The following NKAIN3 variants were observed in gnomAD, a reference collection of about 807,000 sequenced individuals.
The protein encoded by NKAIN3 is sodium/potassium transporting ATPase interacting 3.
A neutral mutation model predicts 30.2 loss-of-function variants in NKAIN3; 25 were observed. The observed-to-expected ratio is 0.83, with a 90% CI of 0.60 to 1.16. The LOEUF is 1.16. Among genes scored for constraint, NKAIN3 ranks in the 50% most tolerant of loss-of-function variants. NKAIN3 has a pLI of 0.00. For missense variants in NKAIN3, 225 were observed against 254.1 expected, an observed-to-expected ratio of 0.89 and a Z score of 0.78; for synonymous variants, 91 against 89.6, an observed-to-expected ratio of 1.02 and a Z score of -0.09.
intron 1 of NKAIN3, among the ~76,000 whole-genome samples, chr8:62,468,399 G>A (rs1174176506): frequency 1.3e-5 from 2 of 152,144 alleles, no homozygotes; most frequent in Admixed American, 6.5e-5. Flanking sequence ...TGCCAAACCA[G>A]TTTTGTTGGA....
At chr8:62,444,395 C>T (rs1291355934) in intron 1 of NKAIN3, among the ~76,000 whole-genome samples, 1 of 152,088 alleles carries the variant, frequency 6.6e-6, no homozygotes, top group Non-Finnish European at 1.5e-5. Context: ...CTTTATCCCT[C>T]CTCCCCACCT....
rs1228826833 is a variant in NKAIN3, at chr8:62,966,630, C to A, written c.*1223C>A. 6.6e-6 allele frequency among the ~76,000 whole-genome samples: 1 copy of A among 152,206 alleles called. No homozygotes were observed. The highest frequency in any genetic ancestry group is 2.4e-5 in the African/African-American group (1 of 41,462). ...AGACAACCACTGTGCTAATTTTCAT[C>A]ATCACTGATAATTTGGTCTGTTCTC... On this transcript the variant is annotated 3_prime_UTR_variant, in exon 7 of 7. Transcript: ENST00000623646.
chr8:62,880,206 C>G (rs1820931364), intron 4 of NKAIN3, among the ~76,000 whole-genome samples: 2 of 152,122 alleles, frequency 1.3e-5, no homozygotes, highest in South Asian at 4.1e-4. Flanking sequence ...GAGGGAAAAA[C>G]TTGGCCAAGG....
At chr8:62,502,466 A>G (rs1266243638) in intron 1 of NKAIN3, among the ~76,000 whole-genome samples, 1 of 152,102 alleles carries the variant, frequency 6.6e-6, no homozygotes, top group African/African-American at 2.4e-5. Flanking sequence ...TTCCAGAGTT[A>G]ACCATTCATT....
intron 4 of NKAIN3, chr8:62,856,142 C>A: frequency 1.4e-6 from 1 of 725,088 alleles, no homozygotes. Flanking sequence ...TCTGAGACTC[C>A]CATAGATCTC....
At chr8:62,948,477 C>T (rs1025459898) in intron 5 of NKAIN3, among the ~76,000 whole-genome samples, 1 of 152,016 alleles carries the variant, frequency 6.6e-6, no homozygotes, top group African/African-American at 2.4e-5. Context: ...GGATTACAGG[C>T]GTGAGCCACC....
chr8:62,848,360 A>G (rs1279014143), intron 4 of NKAIN3, among the ~76,000 whole-genome samples: 5 of 151,986 alleles, frequency 3.3e-5, no homozygotes, highest in African/African-American at 9.7e-5. Flanking sequence ...AATGGTTTGT[A>G]GTTCTTCTTA....
At chr8:62,458,457 T>C (rs2218911) in intron 1 of NKAIN3, among the ~76,000 whole-genome samples, 147,632 of 152,282 alleles carry the variant, frequency 0.97, 71,619 homozygotes, top group East Asian at 1. Flanking sequence ...AGGTGATAGA[T>C]CCAACCCTAT....
At chr8:62,816,630 G>T (rs1212504844) in intron 4 of NKAIN3, among the ~76,000 whole-genome samples, 1 of 152,144 alleles carries the variant, frequency 6.6e-6, no homozygotes, top group Non-Finnish European at 1.5e-5. Context: ...CGATCAGGGT[G>T]TAGAGTGCTA....
chr8:62,740,565 G>A (rs1815831710), intron 3 of NKAIN3, among the ~76,000 whole-genome samples: 1 of 151,756 alleles, frequency 6.6e-6, no homozygotes, highest in Non-Finnish European at 1.5e-5. Flanking sequence ...TATTAAAAGA[G>A]CAAAGAATAA....
At chr8:62,759,432 T>C (rs1215844332) in intron 4 of NKAIN3, among the ~76,000 whole-genome samples, 1 of 152,160 alleles carries the variant, frequency 6.6e-6, no homozygotes, top group Non-Finnish European at 1.5e-5. Flanking sequence ...ATGTAGCAGT[T>C]GCAGACTATA....
intron 5 of NKAIN3, among the ~76,000 whole-genome samples, chr8:62,937,320 T>C (rs1585597071): frequency 6.6e-6 from 1 of 152,142 alleles, no homozygotes; most frequent in Non-Finnish European, 1.5e-5. Flanking sequence ...GGCTTGCCAC[T>C]GCGTACTCCG....
chr8:62,844,615 G>C (rs4568616), intron 4 of NKAIN3, among the ~76,000 whole-genome samples: 91,724 of 152,020 alleles, frequency 0.6, 28,496 homozygotes, highest in Non-Finnish European at 0.7. Flanking sequence ...AACAGATATT[G>C]ATAGTTGAGC....
intron 1 of NKAIN3, among the ~76,000 whole-genome samples, chr8:62,367,773 C>A (rs1816783509): frequency 6.6e-6 from 1 of 151,962 alleles, no homozygotes; most frequent in Non-Finnish European, 1.5e-5. Flanking sequence ...TAAAAGACCT[C>A]CAAATTGGAA....
At chr8:62,904,455 T>C (rs1397588564) in intron 4 of NKAIN3, among the ~76,000 whole-genome samples, 2 of 152,238 alleles carry the variant, frequency 1.3e-5, no homozygotes, top group African/African-American at 4.8e-5. Context: ...GATGGTATTA[T>C]ATAATCATTG....
intron 1 of NKAIN3, among the ~76,000 whole-genome samples, chr8:62,486,118 AAG>A (rs564491491): frequency 9.2e-5 from 14 of 152,124 alleles, no homozygotes; most frequent in Non-Finnish European, 1.8e-4. Context: ...CCAAAACAAA[AAG>A]AGAGAACGCT....
chr8:62,552,550 G>A (rs1809250131), intron 1 of NKAIN3, among the ~76,000 whole-genome samples: 1 of 152,158 alleles, frequency 6.6e-6, no homozygotes, highest in Admixed American at 6.5e-5. Flanking sequence ...GTACTGCATG[G>A]AACAAATGAA....
At chr8:62,630,382 G>A (rs1811918545) in intron 3 of NKAIN3, among the ~76,000 whole-genome samples, 1 of 152,086 alleles carries the variant, frequency 6.6e-6, no homozygotes, top group Non-Finnish European at 1.5e-5. Flanking sequence ...AAGCCATACA[G>A]CAGACAATTA....
At chr8:62,748,744 T>A (rs148406195) in intron 4 of NKAIN3, among the ~76,000 whole-genome samples, 1 of 152,330 alleles carries the variant, frequency 6.6e-6, no homozygotes, top group African/African-American at 2.4e-5. Flanking sequence ...AATTTGATAC[T>A]GAACTCAAAG....
Sources: gnomAD v4.1 joint callset for allele counts (sites outside exome capture counted in the v4.1 genomes callset) on GRCh38, gnomAD v4.1.1 for gene constraint, MANE v1.5 for transcripts, NCBI Gene and HGNC (gene_info 2026-07-23, HGNC 2026-07-21) for gene names.